The following GALNTL6 variants were observed in gnomAD, a reference collection of about 807,000 sequenced individuals.
GALNTL6 encodes the protein polypeptide N-acetylgalactosaminyltransferase-like 6.
In GALNTL6, 46 loss-of-function variants were observed where a neutral mutation model predicts 73.7. The observed-to-expected ratio is 0.62, with a 90% CI of 0.49 to 0.80. The LOEUF (loss-of-function observed/expected upper bound fraction) is 0.80. Among genes scored for constraint, GALNTL6 ranks in the 30% least tolerant of loss-of-function variants. The probability of loss-of-function intolerance (pLI) is 0.00; values close to 1 mark genes in which losing one functional copy is unlikely to be tolerated. For synonymous variants in GALNTL6, 259 were observed against 263.7 expected (o/e 0.98, Z 0.17); for missense variants, 604 against 755.0 (o/e 0.80, Z 2.34).
chr4:172,206,805 G>GTTTGTTTTTTTTTTTTTTTTTTTTTTTT (rs1554003003), intron 2 of GALNTL6, among the ~76,000 whole-genome samples: 4 of 26,126 alleles, frequency 1.5e-4, no homozygotes, highest in African/African-American at 1.9e-4. Context: ...TTGTTTTTCT[G>GTTTGTTTTTTTTTTTTTTTTTTTTTTTT]TTTTTTTTGT....
At chr4:172,148,247 T>C (rs1449992176) in intron 2 of GALNTL6, among the ~76,000 whole-genome samples, 3 of 152,198 alleles carry the variant, frequency 2.0e-5, no homozygotes, top group Non-Finnish European at 4.4e-5. Flanking sequence ...GAGAAATTTT[T>C]AAATTTGCTG....
At chr4:171,839,889 CTT>C (rs1430126299) in intron 2 of GALNTL6, among the ~76,000 whole-genome samples, 1 of 151,990 alleles carries the variant, frequency 6.6e-6, no homozygotes, top group Non-Finnish European at 1.5e-5. Context: ...GTCTAAGAGA[CTT>C]TTTTGCATCA....
chr4:172,856,577 A>G (rs1744131023), intron 7 of GALNTL6, among the ~76,000 whole-genome samples: 1 of 152,220 alleles, frequency 6.6e-6, no homozygotes, highest in African/African-American at 2.4e-5. Context: ...CTTCCTAGAA[A>G]CAAGAAAACA....
intron 5 of GALNTL6, among the ~76,000 whole-genome samples, chr4:172,743,544 G>T (rs716646): frequency 0.36 from 54,494 of 151,750 alleles, 10,831 homozygotes; most frequent in African/African-American, 0.52. Flanking sequence ...TTGAATTCTG[G>T]GGACTTTATC....
intron 7 of GALNTL6, among the ~76,000 whole-genome samples, chr4:172,865,086 G>A (rs1048196600): frequency 6.6e-6 from 1 of 152,112 alleles, no homozygotes; most frequent in South Asian, 2.1e-4. Context: ...TTTCAAGTTT[G>A]CCATGTGCCA....
chr4:172,822,567 T>A (rs1418505729), intron 7 of GALNTL6, among the ~76,000 whole-genome samples: 3 of 152,158 alleles, frequency 2.0e-5, no homozygotes, highest in Admixed American at 6.5e-5. Flanking sequence ...ATTTTGGACT[T>A]CTGATCTCAT....
intron 3 of GALNTL6, among the ~76,000 whole-genome samples, chr4:172,289,586 T>A (rs1011798010): frequency 3.9e-5 from 6 of 152,212 alleles, no homozygotes; most frequent in African/African-American, 1.4e-4. Flanking sequence ...CCTACTCTTT[T>A]GACATTCTCA....
intron 5 of GALNTL6, among the ~76,000 whole-genome samples, chr4:172,351,848 A>G (rs1443289854): frequency 6.6e-6 from 1 of 152,100 alleles, no homozygotes; most frequent in Non-Finnish European, 1.5e-5. Context: ...TATTTGCACT[A>G]TTTACCACCT....
chr4:172,758,941 G>A (rs773665231), intron 5 of GALNTL6, among the ~76,000 whole-genome samples: 1 of 152,178 alleles, frequency 6.6e-6, no homozygotes, highest in South Asian at 2.1e-4. Flanking sequence ...GACTATTGTA[G>A]TACAATGCAT....
At chr4:172,983,174 G>A (rs2126437742) in intron 10 of GALNTL6, among the ~76,000 whole-genome samples, 1 of 152,166 alleles carries the variant, frequency 6.6e-6, no homozygotes, top group African/African-American at 2.4e-5. Flanking sequence ...GACATTCAGG[G>A]AAGGCAGAGA....
chr4:172,792,555 G>A (rs1740052200), intron 5 of GALNTL6, among the ~76,000 whole-genome samples: 1 of 151,902 alleles, frequency 6.6e-6, no homozygotes, highest in Admixed American at 6.6e-5. Flanking sequence ...AAAGGAAAAT[G>A]AAAGCATTTA....
chr4:172,668,170 C>A (rs1313507841), intron 5 of GALNTL6: 2 of 152,072 alleles, frequency 1.3e-5, no homozygotes, highest in Non-Finnish European at 2.9e-5. Context: ...GTATTATTGC[C>A]ATTGATGAGT....
At chr4:172,327,294 G>A (rs1287695368) in intron 4 of GALNTL6, among the ~76,000 whole-genome samples, 3 of 152,042 alleles carry the variant, frequency 2.0e-5, no homozygotes, top group East Asian at 3.9e-4. Context: ...TTTTATATTT[G>A]CTAAGGACTG....
At chr4:172,429,545 A>G (rs571277550) in intron 5 of GALNTL6, among the ~76,000 whole-genome samples, 84 of 152,284 alleles carry the variant, frequency 5.5e-4, no homozygotes, top group Non-Finnish European at 9.8e-4. Context: ...TGGATTTTGG[A>G]AGAGAGGTAC....
intron 2 of GALNTL6, among the ~76,000 whole-genome samples, chr4:172,017,033 T>A (rs1270166816): frequency 6.6e-6 from 1 of 152,142 alleles, no homozygotes; most frequent in Non-Finnish European, 1.5e-5. Flanking sequence ...GATGTTTTAT[T>A]TACTGAGTTA....
intron 5 of GALNTL6, among the ~76,000 whole-genome samples, chr4:172,691,598 T>G (rs1246773611): frequency 2.6e-5 from 4 of 152,174 alleles, no homozygotes; most frequent in African/African-American, 9.7e-5. Context: ...TGGGGCTGGA[T>G]GTCTGGAGGG....
At chr4:172,729,088 G>A (rs551766464) in intron 5 of GALNTL6, among the ~76,000 whole-genome samples, 5 of 151,928 alleles carry the variant, frequency 3.3e-5, no homozygotes, top group Non-Finnish European at 7.4e-5. Flanking sequence ...CCATTATTGA[G>A]TTGTTCGAGC....
At chr4:172,380,560 A>C (rs1037630521) in intron 5 of GALNTL6, 5 of 299,316 alleles carry the variant, frequency 1.7e-5, no homozygotes, top group African/African-American at 8.6e-5. Flanking sequence ...ATGTACAAAG[A>C]TGTACACTTT....
rs10686994 is a variant in GALNTL6 at position 171,986,037 on chromosome 4, CA to C, written c.138+171339del. Among the ~76,000 whole-genome samples, 86 of 82,134 alleles carry C rather than the reference CA, an allele frequency of 1.0e-3. 1 individual carries two copies. The highest frequency in any genetic ancestry group is 4.3e-3 in the African/African-American group (81 of 18,964). The allele number at this position is 82,134 out of a possible 152,430, so 53.9% of individuals were successfully genotyped here. A position where few individuals can be genotyped will look rare whatever the true frequency, so the allele number is the denominator to read the frequency against. ...TGAGTGACAGAGCCAGACTCTGTCT[CA>C]AAAAAAAAAAAAAAAAAAACACTTC... On this transcript the variant is annotated intron_variant, in intron 2 of 12. Transcript: ENST00000506823.
Sources: allele counts gnomAD v4.1 joint callset (sites outside exome capture counted in the v4.1 genomes callset), GRCh38; gene constraint gnomAD v4.1.1; transcripts MANE v1.5; gene names NCBI Gene and HGNC (gene_info 2026-07-23, HGNC 2026-07-21).